The following RNGTT variants were observed in gnomAD, a reference collection of about 807,000 sequenced individuals.
The protein encoded by RNGTT is RNA guanylyltransferase and 5'-phosphatase.
Under a neutral mutation model 79.3 loss-of-function variants are expected in RNGTT, and 33 were observed. That is an observed-to-expected ratio of 0.42 (90% CI 0.32 to 0.56). The LOEUF is 0.56. Ranked by LOEUF, RNGTT falls within the 20% of genes least tolerant of loss-of-function variation. The pLI is 0.17. For missense variants in RNGTT, 497 were observed against 739.1 expected, an observed-to-expected ratio of 0.67 and a Z score of 3.80; for synonymous variants, 222 against 235.9, an observed-to-expected ratio of 0.94 and a Z score of 0.54.
chr6:88,912,553 G>A (rs1350568448), intron 4 of RNGTT, among the ~76,000 whole-genome samples: 1 of 152,056 alleles, frequency 6.6e-6, no homozygotes, highest in Non-Finnish European at 1.5e-5. Context: ...AAAAGAAGTT[G>A]AGACCCAAAA....
chr6:88,628,518 G>A (rs1362306041), intron 14 of RNGTT, among the ~76,000 whole-genome samples: 3 of 151,982 alleles, frequency 2.0e-5, no homozygotes, highest in African/African-American at 7.2e-5. Context: ...TTGGTAACTT[G>A]TACTCAAAAT....
At chr6:88,952,758 C>T (rs976895634) in intron 1 of RNGTT, among the ~76,000 whole-genome samples, 5 of 152,208 alleles carry the variant, frequency 3.3e-5, no homozygotes, top group Admixed American at 6.5e-5. Flanking sequence ...GTATCAATGG[C>T]TGGGACACCT....
intron 13 of RNGTT, among the ~76,000 whole-genome samples, chr6:88,746,290 A>G (rs1442151974): frequency 6.6e-6 from 1 of 152,100 alleles, no homozygotes; most frequent in African/African-American, 2.4e-5. Context: ...CCTCTTACCC[A>G]GTTTTCAGAT....
chr6:88,897,120 T>C (rs1783277674), intron 6 of RNGTT, among the ~76,000 whole-genome samples: 1 of 152,170 alleles, frequency 6.6e-6, no homozygotes, highest in Admixed American at 6.5e-5. Context: ...CATTTCTCCT[T>C]TACATATTCT....
intron 8 of RNGTT, 152 bp from the exon 9 acceptor site, chr6:88,853,916 T>C (rs1198887023): frequency 2.1e-5 from 9 of 427,442 alleles, no homozygotes; most frequent in Admixed American, 1.3e-4. Context: ...GTATCACAAA[T>C]AATAATTTTT....
chr6:88,644,283 T>C (rs1302750398), intron 14 of RNGTT, among the ~76,000 whole-genome samples: 5 of 151,700 alleles, frequency 3.3e-5, no homozygotes, highest in East Asian at 3.9e-4. Flanking sequence ...ACACATACAC[T>C]CTCCCAAGAC....
chr6:88,895,757 T>G (rs1783225204), intron 6 of RNGTT, among the ~76,000 whole-genome samples: 1 of 152,178 alleles, frequency 6.6e-6, no homozygotes, highest in Non-Finnish European at 1.5e-5. Context: ...TAAGTAATTA[T>G]ATCTGTGCTT....
At chr6:88,841,669 A>T (rs1407069995) in intron 11 of RNGTT, among the ~76,000 whole-genome samples, 3 of 152,234 alleles carry the variant, frequency 2.0e-5, no homozygotes, top group African/African-American at 7.2e-5. Flanking sequence ...ATTTTAATGT[A>T]AAAGTACTCA....
At chr6:88,683,563 TAA>T (rs1379166345) in intron 13 of RNGTT, among the ~76,000 whole-genome samples, 1 of 152,190 alleles carries the variant, frequency 6.6e-6, no homozygotes, top group Non-Finnish European at 1.5e-5. Flanking sequence ...ATTAATTTTA[TAA>T]AGTTAGCATA....
chr6:88,642,246 T>C (rs1324503792), intron 14 of RNGTT, among the ~76,000 whole-genome samples: 2 of 152,160 alleles, frequency 1.3e-5, no homozygotes, highest in Non-Finnish European at 2.9e-5. Flanking sequence ...GGACCACTTT[T>C]CAAGGCAGTA....
intron 13 of RNGTT, among the ~76,000 whole-genome samples, chr6:88,768,679 T>C (rs1778547887): frequency 6.6e-6 from 1 of 152,222 alleles, no homozygotes; most frequent in Non-Finnish European, 1.5e-5. Context: ...TATTATCTTA[T>C]TTACTTTCTC....
At chr6:88,624,033 A>T (rs1178875337) in intron 14 of RNGTT, among the ~76,000 whole-genome samples, 1 of 152,038 alleles carries the variant, frequency 6.6e-6, no homozygotes, top group Non-Finnish European at 1.5e-5. Flanking sequence ...AAATCTAAAA[A>T]TAATCTGTGC....
chr6:88,740,168 T>G (rs1487806125), intron 13 of RNGTT, among the ~76,000 whole-genome samples: 1 of 152,102 alleles, frequency 6.6e-6, no homozygotes, highest in Non-Finnish European at 1.5e-5. Context: ...GCAAGAGGGC[T>G]ACTCTAGAGT....
intron 6 of RNGTT, 117 bp downstream of exon 6, chr6:88,904,598 A>G: frequency 8.2e-7 from 1 of 1,225,848 alleles, no homozygotes; most frequent in Non-Finnish European, 1.1e-6. Context: ...AAGGGCTAGG[A>G]TGAATCATCT....
intron 13 of RNGTT, among the ~76,000 whole-genome samples, chr6:88,720,794 A>G (rs1776682914): frequency 6.6e-6 from 1 of 152,294 alleles, no homozygotes; most frequent in Non-Finnish European, 1.5e-5. Flanking sequence ...TGAGTATATG[A>G]TGAGTATTTA....
At chr6:88,806,976 A>C (rs1779977998) in intron 11 of RNGTT, among the ~76,000 whole-genome samples, 1 of 152,224 alleles carries the variant, frequency 6.6e-6, no homozygotes, top group African/African-American at 2.4e-5. Context: ...TATCCTCGGC[A>C]AACTAACGTA....
rs139638440 is a variant in RNGTT at position 88,663,413 on chromosome 6, A to T, written c.1506+14940T>A. Among the ~76,000 whole-genome samples the T allele has an allele frequency of 1.3e-3, 193 of 152,282 alleles. 1 individual carries two copies. Among genetic ancestry groups the T allele is most frequent in the Non-Finnish European group, 2.3e-3 (158 of 68,026 alleles). The stretch of plus-strand genomic sequence containing the variant: ...GTAACTGATAAATCAGGACACCCAG[A>T]CCAGTTACCATACATAGATACTTGG... On this transcript the variant is annotated intron_variant, in intron 14 of 15. Coordinates refer to ENST00000369485, the MANE Select transcript of RNGTT (RefSeq NM_003800.5).
intron 14 of RNGTT, among the ~76,000 whole-genome samples, chr6:88,654,507 C>T (rs543606075): frequency 2.6e-4 from 39 of 152,294 alleles, no homozygotes; most frequent in South Asian, 1.7e-3. Context: ...CCCCTCTGTT[C>T]TTGAGAATTC....
chr6:88,623,203 TA>T (rs1279172984), intron 14 of RNGTT, among the ~76,000 whole-genome samples: 1 of 151,768 alleles, frequency 6.6e-6, no homozygotes, highest in African/African-American at 2.4e-5. Flanking sequence ...AGGCCTGAGG[TA>T]AAAAAGATCT....
Sources: gnomAD v4.1 joint callset for allele counts (sites outside exome capture counted in the v4.1 genomes callset) on GRCh38, gnomAD v4.1.1 for gene constraint, MANE v1.5 for transcripts, NCBI Gene and HGNC (gene_info 2026-07-23, HGNC 2026-07-21) for gene names.